Variants in LRFN2 observed in about 807,000 individuals in gnomAD.
LRFN2 encodes leucine rich repeat and fibronectin type III domain containing 2.
A neutral mutation model predicts 37.3 loss-of-function variants in LRFN2; 18 were observed. That is an observed-to-expected ratio of 0.48 (90% confidence interval 0.33 to 0.72). LRFN2 has a LOEUF of 0.72. Ranked by LOEUF, LRFN2 falls within the 30% of genes least tolerant of loss-of-function variation. LRFN2 has a pLI of 0.02. For synonymous variants in LRFN2, 556 were observed against 466.6 expected, an observed-to-expected ratio of 1.19 and a Z score of -2.47; for missense variants, 1,006 against 1,060.7, an observed-to-expected ratio of 0.95 and a Z score of 0.72.
chr6:40,569,562 G>T (rs1767151036), intron 1 of LRFN2, among the ~76,000 whole-genome samples: 1 of 152,162 alleles, frequency 6.6e-6, no homozygotes, highest in African/African-American at 2.4e-5. Context: ...GGCAGGAGCG[G>T]CCAGGTGTAA....
intron 1 of LRFN2, among the ~76,000 whole-genome samples, chr6:40,441,252 C>T (rs1007145597): frequency 6.6e-6 from 1 of 152,142 alleles, no homozygotes; most frequent in Non-Finnish European, 1.5e-5. Context: ...AGTGTCTGCG[C>T]ATGAATGGAG....
Position 40,391,755 on chromosome 6 carries a change from AC to A in LRFN2, c.*187del. ...GAGCGAGTCCACATTCCCTGAGCAC[AC>A]CCCGGCCGGGTGGTGGGGAGGTGAT... On this transcript the variant is annotated 3_prime_UTR_variant, in exon 3 of 3. Coordinates refer to ENST00000338305, the MANE Select transcript of LRFN2 (RefSeq NM_020737.3). 1 of 525,986 alleles carries A rather than the reference AC, an allele frequency of 1.9e-6. No homozygotes were observed. Among genetic ancestry groups the A allele is most frequent in the South Asian group, 3.9e-5 (1 of 25,884 alleles). 32.6% of individuals were successfully genotyped at this position (525,986 alleles called of 1,614,324 possible). A position where few individuals can be genotyped will look rare whatever the true frequency, so the allele number is the denominator to read the frequency against.
Position 40,392,282 on chromosome 6 carries a change from C to T in LRFN2, c.2031G>A (p.Arg677=). Residue 677 remains arginine (R), a synonymous_variant, in exon 3 of 3, where the codon AGG becomes AGA. Coordinates refer to ENST00000338305, the MANE Select transcript of LRFN2 (RefSeq NM_020737.3). This position sits in a 1 kb window ranked among gnomAD's most constrained non-coding sequence, Gnocchi z 4.7. ...SQRKEELLDS[R]TPAGRGAGTS... is the part of the protein sequence containing the mutation. ...TCCCAGCCCCTCTCCCGGCTGGAGT[C>T]CTGGAGTCCAGCAGCTCCTCCTTTC... 1.2e-6 allele frequency: 2 copies of T among 1,605,530 alleles called. No individual in the cohort carries two copies. Among genetic ancestry groups the T allele is most frequent in the African/African-American group, 1.3e-5 (1 of 74,910 alleles).
chr6:40,553,450 T>C (rs760981797), intron 1 of LRFN2, among the ~76,000 whole-genome samples: 3 of 152,100 alleles, frequency 2.0e-5, no homozygotes, highest in Non-Finnish European at 4.4e-5. Flanking sequence ...ATTTCACACA[T>C]TGGACATCTT....
chr6:40,548,951 T>C (rs1211356089), intron 1 of LRFN2, among the ~76,000 whole-genome samples: 1 of 152,226 alleles, frequency 6.6e-6, no homozygotes, highest in Non-Finnish European at 1.5e-5. Flanking sequence ...AAAATTCATT[T>C]TTAAAAGTTA....
chr6:40,572,884 G>T (rs1767212440), intron 1 of LRFN2, among the ~76,000 whole-genome samples: 3 of 152,134 alleles, frequency 2.0e-5, no homozygotes, highest in Admixed American at 6.5e-5. Context: ...TCCTCTACCT[G>T]CTGGGGGAAG....
intron 1 of LRFN2, among the ~76,000 whole-genome samples, chr6:40,442,446 T>C (rs1763858951): frequency 6.6e-6 from 1 of 152,182 alleles, no homozygotes; most frequent in Non-Finnish European, 1.5e-5. Flanking sequence ...GACTTGACAG[T>C]TACTGCAGGT....
chr6:40,531,053 A>G (rs185716989), intron 1 of LRFN2, among the ~76,000 whole-genome samples: 173 of 152,288 alleles, frequency 1.1e-3, no homozygotes, highest in African/African-American at 4.1e-3. Context: ...ATTTGCACCA[A>G]ATAAACAGAC....
intron 1 of LRFN2, among the ~76,000 whole-genome samples, chr6:40,481,676 G>C (rs2113863906): frequency 1.3e-5 from 2 of 152,246 alleles, no homozygotes; most frequent in East Asian, 3.9e-4. Flanking sequence ...GCAGACCTAA[G>C]GATAGGGCTC....
chr6:40,539,788 G>C (rs531129309), intron 1 of LRFN2, among the ~76,000 whole-genome samples: 22 of 152,310 alleles, frequency 1.4e-4, no homozygotes, highest in African/African-American at 4.8e-4. Context: ...AGAGGTTTTA[G>C]AGGGGTGTGG....
intron 1 of LRFN2, among the ~76,000 whole-genome samples, chr6:40,581,505 C>G (rs1389790905): frequency 1.3e-5 from 2 of 152,226 alleles, no homozygotes; most frequent in Non-Finnish European, 2.9e-5. Context: ...GGACCTCTAA[C>G]CTCTCACCTC....
At chr6:40,577,096 T>TCTCTTCTCTTCTCTTC (rs1561913878) in intron 1 of LRFN2, among the ~76,000 whole-genome samples, 2 of 137,598 alleles carry the variant, frequency 1.5e-5, no homozygotes, top group African/African-American at 2.7e-5. Flanking sequence ...TTCTTTTCTT[T>TCTCTTCTCTTCTCTTC]TCTTTTCCTT....
intron 1 of LRFN2, among the ~76,000 whole-genome samples, chr6:40,440,705 C>T (rs949306588): frequency 6.6e-6 from 1 of 152,116 alleles, no homozygotes; most frequent in Non-Finnish European, 1.5e-5. Flanking sequence ...ACATCCTCAC[C>T]TCCTGGGTGG....
intron 1 of LRFN2, among the ~76,000 whole-genome samples, chr6:40,562,831 T>TCACACACACACACA (rs71543995): frequency 4.2e-5 from 6 of 144,048 alleles, no homozygotes; most frequent in African/African-American, 1.3e-4. Flanking sequence ...GTGCGTGCAC[T>TCACACACACACACA]CACTCACACA....
intron 1 of LRFN2, among the ~76,000 whole-genome samples, chr6:40,541,443 C>T (rs368258808): frequency 3.9e-5 from 6 of 152,130 alleles, no homozygotes; most frequent in Admixed American, 2.6e-4. Flanking sequence ...GTGAGCTCTC[C>T]GAGGGCTTTG....
chr6:40,573,871 G>T (rs1169317897), intron 1 of LRFN2, among the ~76,000 whole-genome samples: 1 of 152,176 alleles, frequency 6.6e-6, no homozygotes, highest in South Asian at 2.1e-4. Context: ...TAAAGGAGGA[G>T]AATCACTTGA....
intron 1 of LRFN2, among the ~76,000 whole-genome samples, chr6:40,577,456 A>G (rs956821729): frequency 6.6e-6 from 1 of 152,088 alleles, no homozygotes; most frequent in Admixed American, 6.5e-5. Flanking sequence ...AAACCAAAAG[A>G]TCCAGGAGGG....
intron 2 of LRFN2, among the ~76,000 whole-genome samples, chr6:40,406,874 G>A (rs903027427): frequency 6.6e-5 from 10 of 152,138 alleles, no homozygotes; most frequent in African/African-American, 1.4e-4. Flanking sequence ...AGGCTGCCCC[G>A]TCTGATCATA....
chr6:40,512,266 A>G (rs947603480), intron 1 of LRFN2, among the ~76,000 whole-genome samples: 1 of 152,112 alleles, frequency 6.6e-6, no homozygotes, highest in African/African-American at 2.4e-5. Context: ...GGAGGTACTT[A>G]CCCTCCCATT....
Sources: gnomAD v4.1 joint callset for allele counts (sites outside exome capture counted in the v4.1 genomes callset) on GRCh38, gnomAD v4.1.1 for gene constraint, Gnocchi (gnomAD v3.1) non-coding constraint, MANE v1.5 for transcripts, NCBI Gene and HGNC (gene_info 2026-07-23, HGNC 2026-07-21) for gene names.